Variants in VTI1A observed in about 807,000 individuals in gnomAD.
VTI1A encodes the protein vesicle transport through interaction with t-SNAREs 1A, also known as vesicle transport through interaction with t-SNAREs homolog 1A.
Under a neutral mutation model 34.9 loss-of-function variants are expected in VTI1A, and 22 were observed. The observed-to-expected ratio is 0.63, with a 90% CI of 0.45 to 0.90. The LOEUF (loss-of-function observed/expected upper bound fraction) is 0.90. Among genes scored for constraint, VTI1A ranks in the 40% least tolerant of loss-of-function variants. The probability of loss-of-function intolerance (pLI) is 0.00; values close to 1 mark genes in which losing one functional copy is unlikely to be tolerated. For missense variants in VTI1A, 268 were observed against 275.6 expected (o/e 0.97, Z 0.20); for synonymous variants, 87 against 97.3 (o/e 0.89, Z 0.62).
intron 3 of VTI1A, among the ~76,000 whole-genome samples, chr10:112,520,559 T>C (rs17129834): frequency 0.12 from 18,568 of 151,326 alleles, 1,329 homozygotes; most frequent in East Asian, 0.28. Flanking sequence ...AAAAGTCTGT[T>C]GTAGCATTGT....
intron 5 of VTI1A, among the ~76,000 whole-genome samples, chr10:112,604,467 G>A (rs1844997479): frequency 6.6e-6 from 1 of 151,838 alleles, no homozygotes; most frequent in Non-Finnish European, 1.5e-5. Flanking sequence ...GCTTTCTCTT[G>A]TTTCTATAAA....
At chr10:112,691,423 T>G (rs187286986) in intron 7 of VTI1A, among the ~76,000 whole-genome samples, 210 of 152,238 alleles carry the variant, frequency 1.4e-3, no homozygotes, top group Admixed American at 2.3e-3. Flanking sequence ...CTATGTGACT[T>G]TGGACAAATC....
chr10:112,659,043 G>A (rs1847345061), intron 5 of VTI1A, among the ~76,000 whole-genome samples: 1 of 152,204 alleles, frequency 6.6e-6, no homozygotes, highest in Admixed American at 6.5e-5. Flanking sequence ...TACAAATAGT[G>A]ATTAACTCGG....
At chr10:112,576,696 A>G (rs1843724415) in intron 5 of VTI1A, among the ~76,000 whole-genome samples, 1 of 152,228 alleles carries the variant, frequency 6.6e-6, no homozygotes, top group Non-Finnish European at 1.5e-5. Flanking sequence ...GATTAAAAAT[A>G]AGATGTTTTC....
intron 3 of VTI1A, among the ~76,000 whole-genome samples, chr10:112,513,050 A>AT (rs1016633486): frequency 1.3e-4 from 20 of 151,570 alleles, no homozygotes; most frequent in Middle Eastern, 3.4e-3. Context: ...TAATTTTAAG[A>AT]TTTTTTTTTA....
At chr10:112,781,439 T>C (rs569323636) in intron 7 of VTI1A, among the ~76,000 whole-genome samples, 2 of 152,284 alleles carry the variant, frequency 1.3e-5, no homozygotes, top group African/African-American at 4.8e-5. Context: ...CCCCCAGTCA[T>C]TGACTAGGCA....
intron 7 of VTI1A, among the ~76,000 whole-genome samples, chr10:112,718,765 AGACAGTCATTTATT>A (rs1207679808): frequency 6.6e-6 from 1 of 152,240 alleles, no homozygotes; most frequent in East Asian, 1.9e-4. Context: ...GAAAATAAGA[AGACAGTCATTTATT>A]TACTCTGTTT....
chr10:112,500,773 T>C (rs1290896093), intron 3 of VTI1A, among the ~76,000 whole-genome samples: 19 of 152,194 alleles, frequency 1.2e-4, no homozygotes, highest in Admixed American at 1.2e-3. Flanking sequence ...TCTCTTACAA[T>C]TCTTTTCCTT....
At chr10:112,596,992 T>C (rs767352570) in intron 5 of VTI1A, among the ~76,000 whole-genome samples, 1 of 152,202 alleles carries the variant, frequency 6.6e-6, no homozygotes, top group Non-Finnish European at 1.5e-5. Flanking sequence ...GAATGTATGC[T>C]CAGGAAAGCC....
At chr10:112,555,238 T>C (rs1378720512) in intron 5 of VTI1A, among the ~76,000 whole-genome samples, 2 of 152,256 alleles carry the variant, frequency 1.3e-5, no homozygotes, top group African/African-American at 2.4e-5. Flanking sequence ...TTTTCAAATA[T>C]ATATGCATAC....
intron 3 of VTI1A, among the ~76,000 whole-genome samples, chr10:112,476,211 A>G (rs374803581): frequency 6.6e-6 from 1 of 152,206 alleles, no homozygotes; most frequent in East Asian, 1.9e-4. Flanking sequence ...CATAAATAGT[A>G]AACTTTTTAG....
At chr10:112,615,392 T>A (rs2134537479) in intron 5 of VTI1A, among the ~76,000 whole-genome samples, 2 of 152,034 alleles carry the variant, frequency 1.3e-5, no homozygotes, top group Middle Eastern at 6.8e-3. Context: ...GTCAAGGGAG[T>A]CTTCACTTTA....
chr10:112,546,046 AT>A (rs1851094757), intron 5 of VTI1A, among the ~76,000 whole-genome samples: 1 of 150,488 alleles, frequency 6.6e-6, no homozygotes, highest in African/African-American at 2.5e-5. Context: ...GTGTGTGTAT[AT>A]ACGTGTATAC....
At chr10:112,808,848 C>T (rs1251691910) in intron 7 of VTI1A, among the ~76,000 whole-genome samples, 2 of 152,144 alleles carry the variant, frequency 1.3e-5, no homozygotes, top group African/African-American at 4.8e-5. Flanking sequence ...CAGGCAGCCT[C>T]GTCCGGTATG....
intron 5 of VTI1A, among the ~76,000 whole-genome samples, chr10:112,657,882 C>G (rs1338832563): frequency 1.3e-5 from 2 of 151,892 alleles, no homozygotes; most frequent in Non-Finnish European, 2.9e-5. Context: ...ATTAGGATGC[C>G]TTGTCCTCCA....
chr10:112,638,796 CT>C (rs1255379581), intron 5 of VTI1A, among the ~76,000 whole-genome samples: 1 of 137,972 alleles, frequency 7.2e-6, no homozygotes, highest in Non-Finnish European at 1.5e-5. Flanking sequence ...TTCCTTCTGG[CT>C]TAGTCCTAGC....
intron 3 of VTI1A, among the ~76,000 whole-genome samples, chr10:112,502,629 G>A (rs1482810473): frequency 1.3e-5 from 2 of 152,130 alleles, no homozygotes; most frequent in African/African-American, 4.8e-5. Context: ...AAAGTGAACT[G>A]GTTTTATTTG....
chr10:112,487,197 C>T (rs1848669116), intron 3 of VTI1A, among the ~76,000 whole-genome samples: 1 of 152,182 alleles, frequency 6.6e-6, no homozygotes, highest in South Asian at 2.1e-4. Context: ...GATCTTGCCT[C>T]ACTGCAGCCT....
intron 3 of VTI1A, among the ~76,000 whole-genome samples, chr10:112,474,459 T>A (rs1318001182): frequency 7.4e-6 from 1 of 136,006 alleles, no homozygotes; most frequent in African/African-American, 2.8e-5. Context: ...CATTCTTTCC[T>A]TTTTTTTTTT....
Sources: gnomAD v4.1 joint callset for allele counts (sites outside exome capture counted in the v4.1 genomes callset) on GRCh38, gnomAD v4.1.1 for gene constraint, MANE v1.5 for transcripts, NCBI Gene and HGNC (gene_info 2026-07-23, HGNC 2026-07-21) for gene names.